Variants in PTPRD observed in about 807,000 individuals in gnomAD.
PTPRD encodes the protein receptor-type tyrosine-protein phosphatase delta.
PTPRD carries 34 observed loss-of-function variants against 214.5 expected under a neutral mutation model. That is an observed-to-expected ratio of 0.16 (90% CI 0.12 to 0.21). The LOEUF is 0.21. Among genes scored for constraint, PTPRD ranks in the 10% least tolerant of loss-of-function variants. The probability of loss-of-function intolerance (pLI) is 1.00; values close to 1 mark genes in which losing one functional copy is unlikely to be tolerated. For missense variants in PTPRD, 2,545 were observed against 2,398.7 expected (o/e 1.06, Z -1.27); for synonymous variants, 1,128 against 845.7 (o/e 1.33, Z -5.79).
chr9:10,231,026 G>A (rs1392959393), intron 3 of PTPRD, among the ~76,000 whole-genome samples: 1 of 151,920 alleles, frequency 6.6e-6, no homozygotes, highest in African/African-American at 2.4e-5. Flanking sequence ...TCATCTACCT[G>A]ACAAAATAAC....
At chr9:10,491,042 C>T (rs2040038034) in intron 2 of PTPRD, among the ~76,000 whole-genome samples, 1 of 152,110 alleles carries the variant, frequency 6.6e-6, no homozygotes, top group Admixed American at 6.6e-5. Flanking sequence ...TCTTTACATT[C>T]CCACCAGATT....
At chr9:10,108,253 T>C (rs1387051710) in intron 3 of PTPRD, among the ~76,000 whole-genome samples, 1 of 152,140 alleles carries the variant, frequency 6.6e-6, no homozygotes, top group Non-Finnish European at 1.5e-5. Flanking sequence ...ATACATACAT[T>C]GTAGACTGGC....
chr9:9,325,282 C>T (rs898285522), intron 9 of PTPRD, among the ~76,000 whole-genome samples: 18 of 152,102 alleles, frequency 1.2e-4, no homozygotes, highest in African/African-American at 4.1e-4. Context: ...TTACCTTGGG[C>T]AGTATGGCCA....
At chr9:10,349,208 C>A (rs2097141180) in intron 2 of PTPRD, among the ~76,000 whole-genome samples, 2 of 138,552 alleles carry the variant, frequency 1.4e-5, no homozygotes, top group East Asian at 2.1e-4. Flanking sequence ...AAATTTGAAG[C>A]CCTCAAAATC....
At position 8,487,643 on chromosome 9, in the gene PTPRD, T is replaced by C. The variant is rs573200720; in HGVS notation, c.2468-1294A>G. Among the ~76,000 whole-genome samples the C allele has an allele frequency of 3.3e-5, 5 of 152,140 alleles. No individual in the cohort carries two copies. The East Asian group carries it at 9.7e-4, about 29-fold the overall frequency. Reference sequence around the variant, plus strand: ...CTGACCAACATGGAGAAACCCTGTCTCTACAAAAAACACAAAAATAGCCAG... The same window carrying C: ...CTGACCAACATGGAGAAACCCTGTCCCTACAAAAAACACAAAAATAGCCAG... On this transcript the variant is annotated intron_variant, in intron 27 of 45. Transcript: ENST00000381196.
At chr9:9,096,674 T>C (rs1190079981) in intron 10 of PTPRD, among the ~76,000 whole-genome samples, 1 of 152,212 alleles carries the variant, frequency 6.6e-6, no homozygotes, top group African/African-American at 2.4e-5. Flanking sequence ...CCAGATGATA[T>C]AGATACAGAT....
At chr9:10,091,026 C>T (rs932981586) in intron 3 of PTPRD, among the ~76,000 whole-genome samples, 1 of 150,470 alleles carries the variant, frequency 6.6e-6, no homozygotes, top group Non-Finnish European at 1.5e-5. Context: ...ACATTAGTCG[C>T]TGCTGTCATA....
chr9:9,409,335 T>C (rs1029540694), intron 8 of PTPRD, among the ~76,000 whole-genome samples: 4 of 152,000 alleles, frequency 2.6e-5, no homozygotes, highest in African/African-American at 9.6e-5. Flanking sequence ...TAGGTAATTT[T>C]TTATGCATAT....
At position 10,221,677 on chromosome 9, in the gene PTPRD, T is replaced by C. The variant is rs73398347; in HGVS notation, c.-545+119286A>G. On this transcript the variant is annotated intron_variant, in intron 3 of 45. Transcript: ENST00000381196. ...TGGTGTGTATAAATAGATGTATTTT[T>C]AAGAAGCATTAAGTACATCCACAAT... Among the ~76,000 whole-genome samples the C allele has an allele frequency of 3.7e-3, 569 of 152,120 alleles. 2 individuals are homozygous for C. Among genetic ancestry groups the C allele is most frequent in the African/African-American group, 0.013 (531 of 41,550 alleles).
chr9:10,504,204 T>C (rs567245015), intron 2 of PTPRD, among the ~76,000 whole-genome samples: 6 of 148,026 alleles, frequency 4.1e-5, no homozygotes, highest in Non-Finnish European at 7.5e-5. Flanking sequence ...GCGGTAACTA[T>C]TGCTGTAACA....
At chr9:8,762,194 C>G (rs2094454561) in intron 11 of PTPRD, among the ~76,000 whole-genome samples, 1 of 152,068 alleles carries the variant, frequency 6.6e-6, no homozygotes, top group African/African-American at 2.4e-5. Flanking sequence ...ATAATTTTTC[C>G]TCTGCATTCA....
chr9:9,168,210 G>A (rs1285598050), intron 10 of PTPRD, among the ~76,000 whole-genome samples: 1 of 152,062 alleles, frequency 6.6e-6, no homozygotes, highest in Non-Finnish European at 1.5e-5. Flanking sequence ...TAGGCCACAA[G>A]GTCTATGGCC....
At chr9:10,482,864 A>C (rs34627440) in intron 2 of PTPRD, among the ~76,000 whole-genome samples, 2 of 152,122 alleles carry the variant, frequency 1.3e-5, no homozygotes, top group Non-Finnish European at 1.5e-5. Flanking sequence ...ACACTTCCAA[A>C]AGCAATTGAC....
chr9:10,475,613 ACTC>A, intron 2 of PTPRD, among the ~76,000 whole-genome samples: 1 of 151,836 alleles, frequency 6.6e-6, no homozygotes, highest in Non-Finnish European at 1.5e-5. Flanking sequence ...AAAAAAAGGG[ACTC>A]CTCCTCAACT....
chr9:9,048,085 T>G (rs541552751), intron 10 of PTPRD, among the ~76,000 whole-genome samples: 253 of 152,106 alleles, frequency 1.7e-3, no homozygotes, highest in African/African-American at 5.8e-3. Flanking sequence ...AAATGCAAAT[T>G]AAAACTACAA....
intron 34 of PTPRD, chr9:8,437,158 T>C (rs1590396588): frequency 4.9e-6 from 7 of 1,424,038 alleles, no homozygotes; most frequent in Non-Finnish European, 6.6e-6. Context: ...AGCTTGATAG[T>C]AAACATAAAA....
chr9:9,975,494 T>C (rs147071996), intron 4 of PTPRD, among the ~76,000 whole-genome samples: 3 of 152,352 alleles, frequency 2.0e-5, no homozygotes, highest in East Asian at 3.9e-4. Flanking sequence ...AGTGAGGACC[T>C]AGGACTAGCA....
At chr9:9,172,011 G>C (rs550730246) in intron 10 of PTPRD, among the ~76,000 whole-genome samples, 1 of 152,200 alleles carries the variant, frequency 6.6e-6, no homozygotes, top group Non-Finnish European at 1.5e-5. Context: ...AGGGTAATCT[G>C]TTGAGTAGTT....
intron 3 of PTPRD, among the ~76,000 whole-genome samples, chr9:10,154,779 G>C (rs916670311): frequency 5.3e-5 from 8 of 151,954 alleles, no homozygotes; most frequent in African/African-American, 1.9e-4. Flanking sequence ...CTATTTCTAG[G>C]ATCTCTATAC....
Sources: gnomAD v4.1 joint callset for allele counts (sites outside exome capture counted in the v4.1 genomes callset) on GRCh38, gnomAD v4.1.1 for gene constraint, MANE v1.5 for transcripts, NCBI Gene and HGNC (gene_info 2026-07-23, HGNC 2026-07-21) for gene names.